Variants in SCRIB observed in about 807,000 individuals in gnomAD.
The protein encoded by SCRIB is scribble planar cell polarity protein, also known as protein scribble homolog.
Under a neutral mutation model 170.0 loss-of-function variants are expected in SCRIB, and 72 were observed. The ratio of observed to expected loss-of-function variants is 0.42; its 90% confidence interval spans 0.35 to 0.52. The LOEUF (loss-of-function observed/expected upper bound fraction) is 0.52, where lower values mean the gene tolerates loss of function less well. SCRIB is among the 20% of genes least tolerant of loss of function. The pLI is 0.02. For missense variants in SCRIB, 2,475 were observed against 2,338.5 expected (o/e 1.06, Z -1.20); for synonymous variants, 1,298 against 1,044.3 (o/e 1.24, Z -4.68).
rs1554632594 is a variant in SCRIB, at chr8:143,791,443, G to GTGAT, written c.4771-7_4771-4dup. On this transcript the variant is annotated splice_polypyrimidine_tract_variant and splice_region_variant and intron_variant, in intron 35 of 36. Transcript: ENST00000356994. ...AACTCCTCAGCAAAGTCCGGTGACTGTGATGGGGAGAGTGTTGGTCAGGCC... is the reference window on the plus strand; with the variant it reads ...AACTCCTCAGCAAAGTCCGGTGACTGTGATTGATGGGGAGAGTGTTGGTCAGGCC... 1 of 1,610,422 alleles carries GTGAT rather than the reference G, an allele frequency of 6.2e-7. No individual in the cohort carries two copies. Among genetic ancestry groups the GTGAT allele is most frequent in the East Asian group, 2.2e-5 (1 of 44,718 alleles).
chr8:143,791,394 C>A lies in SCRIB; in HGVS notation c.4817G>T (p.Ser1606Ile). The change falls in exon 36 of 37, where the codon AGC becomes ATC. Residue 1606 changes from serine to isoleucine, a missense_variant. Physicochemically the swap from Ser to Ile is moderately radical, Grantham distance 142. Coordinates refer to ENST00000356994, the MANE Select transcript of SCRIB (RefSeq NM_182706.5). ...CCAGCCCGGCCCCAACTCACCAGGG[C>A]TGGGAGATGGTTCCAGGGACCTCAA... ...EELRSLEPSP[S>I]PGPQEEDGEV... The A allele has an allele frequency of 6.2e-7, 1 of 1,609,994 alleles. No individual in the cohort carries two copies. The highest frequency in any genetic ancestry group is 8.5e-7 in the Non-Finnish European group (1 of 1,178,818).
At chr8:143,804,897 G>A in intron 20 of SCRIB, 37 bp downstream of exon 20, 1 of 1,496,484 alleles carries the variant, frequency 6.7e-7, no homozygotes, top group Non-Finnish European at 9.0e-7. Context: ...GGGGCAGGGG[G>A]GATGGGTGGG....
intron 1 of SCRIB, chr8:143,814,817 G>A (rs919834854): frequency 5.2e-5 from 11 of 212,626 alleles, no homozygotes; most frequent in African/African-American, 1.8e-4. Context: ...ACATCAAGAG[G>A]GCTCCCCCAC....
intron 14 of SCRIB, 58 bp downstream of exon 14, chr8:143,809,493 G>C (rs1010333601): frequency 8.3e-6 from 13 of 1,560,672 alleles, no homozygotes; most frequent in Non-Finnish European, 1.0e-5. Context: ...GGCCCCGCAG[G>C]GGAGGCAGCC....
intron 24 of SCRIB, among the ~76,000 whole-genome samples, chr8:143,799,017 G>A (rs1815061834): frequency 1.3e-5 from 2 of 152,194 alleles, no homozygotes; most frequent in Non-Finnish European, 2.9e-5. Flanking sequence ...AACCCATCAG[G>A]AAAATAAAGA....
At chr8:143,794,995 A>G (rs1814877971) in intron 27 of SCRIB, 43 bp downstream of exon 27, 5 of 1,579,042 alleles carry the variant, frequency 3.2e-6, no homozygotes, top group Non-Finnish European at 4.3e-6. Flanking sequence ...GATGAACAGG[A>G]CAACAGGACG....
At position 143,813,832 on chromosome 8, in the gene SCRIB, C is replaced by G. The variant is rs1278795474; in HGVS notation, c.342G>C (p.Gly114=). The G allele has an allele frequency of 1.2e-6, 2 of 1,609,184 alleles. No homozygotes were observed. The highest frequency in any genetic ancestry group is 2.2e-5 in the East Asian group (1 of 44,774). The change falls in exon 3 of 37, where the codon GGG becomes GGC. Residue 114 remains glycine (G), a synonymous_variant. Transcript: ENST00000356994. ...CTGCCACCCACCTGGAGAGGGGGTTCCCGCTGAAGTCCGCGATCTCCAGAG... is the reference window on the plus strand; with the variant it reads ...CTGCCACCCACCTGGAGAGGGGGTTGCCGCTGAAGTCCGCGATCTCCAGAG... ...CKALEIADFS[G]NPLSRLPDGF... is the part of the protein sequence containing the mutation.
In SCRIB at chr8:143,815,528, T is replaced by C. The variant is rs1554639742; in HGVS notation, c.-156A>G. On this transcript the variant is annotated 5_prime_UTR_variant, in exon 1 of 37. Coordinates refer to ENST00000356994, the MANE Select transcript of SCRIB (RefSeq NM_182706.5). ...ACGGGGACGCGGCCGCGGCCGGCGC[T>C]GGGCCCGGCCCGCGCTCGGAACGCT... The C allele has an allele frequency of 6.1e-6, 6 of 979,944 alleles. No homozygotes were observed. The highest frequency in any genetic ancestry group is 6.0e-6 in the Non-Finnish European group (5 of 828,566). The allele number at this position is 979,944 out of a possible 1,614,324, so 60.7% of individuals were successfully genotyped here.
Position 143,812,400 on chromosome 8 carries a change from C to A in SCRIB, c.788-16G>T. On this transcript the variant is annotated splice_polypyrimidine_tract_variant and intron_variant, in intron 8 of 36. Coordinates refer to ENST00000356994, the MANE Select transcript of SCRIB (RefSeq NM_182706.5). Reference sequence around the variant, plus strand: ...TTCAGCTGACCTGGCGTCGGGGAGACAGGGGGACAAGGCTGAGCATGGTCC... The same window carrying A: ...TTCAGCTGACCTGGCGTCGGGGAGAAAGGGGGACAAGGCTGAGCATGGTCC... The A allele has an allele frequency of 6.3e-7, 1 of 1,576,378 alleles. No individual in the cohort carries two copies.
chr8:143,795,281 G>C lies in SCRIB; in HGVS notation c.3767C>G (p.Ala1256Gly), dbSNP rs782660918. The C allele has an allele frequency of 6.2e-7, 1 of 1,612,620 alleles. No homozygotes were observed. Among genetic ancestry groups the C allele is most frequent in the Non-Finnish European group, 8.5e-7 (1 of 1,179,920 alleles). The change falls in exon 26 of 37, where the codon GCC (alanine) becomes GGC (glycine). Residue 1256 changes from alanine to glycine, a missense_variant. Around this residue, in one of 3 missense-constraint regions of SCRIB, gnomAD observed 1,966 missense variants for 1,742.9 expected, o/e 1.13. Transcript: ENST00000356994. ...TLHWGPEATE[A>G]AGRGLQPLKL... ...GGGTGGGGCGACCACACTCACTGCG[G>C]CTTCTGTGGCCTCGGGCCCCCAGTG... is the stretch of plus-strand genomic sequence containing the variant.
Position 143,795,471 on chromosome 8 carries a change from C to T in SCRIB, c.3663G>A (p.Leu1221=), listed in dbSNP as rs2130009609. ...CCCGGTCGATGGAAGAGATGCTCTC[C>T]AGGCTGTTCCGGTGGCCGATGCCTG... The part of the protein sequence containing the change: ...FAAGIGHRNS[L]ESISSIDREL... The change falls in exon 25 of 37, where the codon CTG becomes CTA. Residue 1221 remains leucine (L), a synonymous_variant. Coordinates refer to ENST00000356994, the MANE Select transcript of SCRIB (RefSeq NM_182706.5). 1 of 1,613,290 alleles carries T rather than the reference C, an allele frequency of 6.2e-7. No homozygotes were observed. The highest frequency in any genetic ancestry group is 2.2e-5 in the East Asian group (1 of 44,868).
intron 24 of SCRIB, 40 bp from the exon 25 acceptor site, chr8:143,795,570 C>G: frequency 6.6e-7 from 1 of 1,516,662 alleles, no homozygotes. Context: ...GGGACTGCAA[C>G]CCGGGGTCCC....
At position 143,810,816 on chromosome 8, in the gene SCRIB, T is replaced by C; in HGVS notation, c.1274A>G (p.Glu425Gly). The C allele has an allele frequency of 6.2e-7, 1 of 1,601,580 alleles. No homozygotes were observed. The highest frequency in any genetic ancestry group is 1.1e-5 in the South Asian group (1 of 90,770). Residue 425 changes from glutamate to glycine, a missense_variant and splice_region_variant, in exon 12 of 37, where the codon GAG becomes GGG. Coordinates refer to ENST00000356994, the MANE Select transcript of SCRIB (RefSeq NM_182706.5). ...GAGGCTCCCCTGCTGCCCAGCATCC[T>C]CTGCAGCAGGTGAGCGTCAGGACCC... Reference protein sequence around the residue: ...LLPQQPPPSLEDAGQQGSLSE... With the variant: ...LLPQQPPPSLGDAGQQGSLSE...
intron 1 of SCRIB, among the ~76,000 whole-genome samples, chr8:143,814,653 G>C (rs571039580): frequency 6.6e-6 from 1 of 152,130 alleles, no homozygotes; most frequent in Non-Finnish European, 1.5e-5. Flanking sequence ...CAACCCCTAG[G>C]TACTGATCAC....
intron 24 of SCRIB, among the ~76,000 whole-genome samples, chr8:143,800,513 G>A (rs1563793977): frequency 2.6e-5 from 4 of 152,212 alleles, no homozygotes; most frequent in Admixed American, 2.0e-4. Flanking sequence ...AAATCCAGGT[G>A]AGGATTTATA....
At chr8:143,812,778 C>A in intron 8 of SCRIB, 39 bp downstream of exon 8, 1 of 1,587,688 alleles carries the variant, frequency 6.3e-7, no homozygotes, top group Non-Finnish European at 8.5e-7. Context: ...CAGGGCCAGG[C>A]TCCGTGTGCC....
Position 143,804,794 on chromosome 8 carries a change from T to C in SCRIB, c.2783A>G (p.His928Arg), listed in dbSNP as rs1554635976. The stretch of plus-strand genomic sequence containing the variant: ...GGTCAGCAGGGAGACGGCGTGGTCA[T>C]GCCTGGCCTCAGTCACGTCCACTCC... The part of the protein sequence containing the change: ...INGVDVTEAR[H>R]DHAVSLLTAA... The change falls in exon 21 of 37, where the codon CAT becomes CGT. Residue 928 changes from histidine to arginine, a missense_variant. Physicochemically the swap from His to Arg is conservative, Grantham distance 29. This residue lies in a region of SCRIB where 1,966 missense variants were observed against 1,742.9 expected (regional missense o/e 1.13). Transcript: ENST00000356994. 6.3e-7 allele frequency: 1 copy of C among 1,598,404 alleles called. No individual in the cohort carries two copies. Among genetic ancestry groups the C allele is most frequent in the Non-Finnish European group, 8.5e-7 (1 of 1,176,378 alleles).
chr8:143,794,662 A>G (rs982563961), intron 27 of SCRIB, among the ~76,000 whole-genome samples: 10 of 150,844 alleles, frequency 6.6e-5, no homozygotes, highest in African/African-American at 2.2e-4. Flanking sequence ...CAGCTGCTCC[A>G]GCCTGTCCTC....
rs782260512 is a variant in SCRIB at position 143,803,512 on chromosome 8, C to T, written c.3474G>A (p.Leu1158=). 6.2e-7 allele frequency: 1 copy of T among 1,603,444 alleles called. No homozygotes were observed. The highest frequency in any genetic ancestry group is 8.5e-7 in the Non-Finnish European group (1 of 1,179,420). The change falls in exon 24 of 37, where the codon TTG becomes TTA. Residue 1158 remains leucine, a synonymous_variant. Transcript: ENST00000356994. ...DGRLRVGLRL[L]EVNQQSLLGL... ...CCAGCAGGCTCTGCTGGTTCACCTC[C>T]AACAGCCGCAAACCCACACGCAGCC...
Sources: allele counts gnomAD v4.1 joint callset (sites outside exome capture counted in the v4.1 genomes callset), GRCh38; gene constraint gnomAD v4.1.1; regional missense constraint gnomAD v4.1.1; transcripts MANE v1.5; gene names NCBI Gene and HGNC (gene_info 2026-07-23, HGNC 2026-07-21).